NPIPB2: variants seen among roughly 807,000 people sequenced by gnomAD.
NPIPB2 encodes the protein nuclear pore complex-interacting protein family member B2.
In NPIPB2, 27 loss-of-function variants were observed where a neutral mutation model predicts 30.8. The ratio of observed to expected loss-of-function variants is 0.88; its 90% CI spans 0.65 to 1.21. The LOEUF is 1.21. Among genes scored for constraint, NPIPB2 ranks in the 50% most tolerant of loss-of-function variants. The probability of loss-of-function intolerance (pLI) is 0.00; values close to 1 mark genes in which losing one functional copy is unlikely to be tolerated. For synonymous variants in NPIPB2, 147 were observed against 162.0 expected, an observed-to-expected ratio of 0.91 and a Z score of 0.70; for missense variants, 440 against 446.2, an observed-to-expected ratio of 0.99 and a Z score of 0.13.
chr16:11,936,873 G>C (rs666642), intron 2 of NPIPB2, among the ~76,000 whole-genome samples: 39,991 of 141,632 alleles, frequency 0.28, 6,778 homozygotes, highest in East Asian at 0.61. Flanking sequence ...CAGTGCAGTT[G>C]TGCCCTTCAC....
At chr16:11,927,483 ATTC>A (rs1567461495) in exon 8 of NPIPB2, 1 of 1,238,618 alleles carries the variant, frequency 8.1e-7, no homozygotes, top group African/African-American at 2.7e-5. Flanking sequence ...TCGGGTGGTG[ATTC>A]CACCTCAGCG....
intron 1 of NPIPB2, among the ~76,000 whole-genome samples, chr16:11,952,173 A>AC (rs1422439628): frequency 6.8e-4 from 7 of 10,370 alleles, no homozygotes; most frequent in Middle Eastern, 0.024. Flanking sequence ...ACAAAAACAA[A>AC]ACAAAAAAAA....
At chr16:11,958,470 C>T (rs1265321733) in intron 1 of NPIPB2, among the ~76,000 whole-genome samples, 1 of 151,832 alleles carries the variant, frequency 6.6e-6, no homozygotes, top group Non-Finnish European at 1.5e-5. Flanking sequence ...TGGCTCATGC[C>T]TATAATCCTA....
intron 1 of NPIPB2, chr16:11,965,317 T>G: frequency 6.2e-7 from 1 of 1,614,150 alleles, no homozygotes; most frequent in Non-Finnish European, 8.5e-7. Flanking sequence ...TGTTTTCTTT[T>G]TGTGATCATG....
At chr16:11,938,858 C>A (rs2150915787) in intron 1 of NPIPB2, among the ~76,000 whole-genome samples, 1 of 151,950 alleles carries the variant, frequency 6.6e-6, no homozygotes, top group South Asian at 2.1e-4. Context: ...AAGCGATTCT[C>A]CTGCCTCAGC....
chr16:11,975,670 A>C (rs1037268583), intron 1 of NPIPB2, among the ~76,000 whole-genome samples: 1 of 151,148 alleles, frequency 6.6e-6, no homozygotes, highest in African/African-American at 2.4e-5. Context: ...GGCTCACTGA[A>C]ACCTCTGCCT....
intron 1 of NPIPB2, among the ~76,000 whole-genome samples, chr16:11,950,621 T>C (rs1300181623): frequency 6.6e-6 from 1 of 152,142 alleles, no homozygotes; most frequent in African/African-American, 2.4e-5. Context: ...CTTTGCACTC[T>C]GCCCACACAT....
chr16:11,942,146 A>G (rs557098633), upstream of NPIPB2: 95 of 1,529,740 alleles, frequency 6.2e-5, no homozygotes, highest in African/African-American at 1.1e-3. Context: ...ACGTACATTC[A>G]TTTTAAGCAT....
At chr16:11,933,979 T>G (rs2054829723) in intron 2 of NPIPB2, 55 bp from the exon 3 acceptor site, 3 of 1,408,582 alleles carry the variant, frequency 2.1e-6, no homozygotes, top group Admixed American at 1.7e-5. Flanking sequence ...ATGCGTATAA[T>G]CCCAGTACTT....
intron 1 of NPIPB2, chr16:11,967,735 C>T (rs762815421): frequency 7.4e-6 from 12 of 1,614,088 alleles, no homozygotes; most frequent in African/African-American, 6.7e-5. Context: ...CCACTCCCAG[C>T]TATGGAGGAA....
chr16:11,961,891 T>C (rs1428901472), intron 1 of NPIPB2, among the ~76,000 whole-genome samples: 1 of 151,710 alleles, frequency 6.6e-6, no homozygotes, highest in Non-Finnish European at 1.5e-5. Context: ...ACAGAGGCTC[T>C]ATTTGGAAAG....
chr16:11,932,471 G>T (rs2054802847), intron 4 of NPIPB2, among the ~76,000 whole-genome samples: 1 of 151,738 alleles, frequency 6.6e-6, no homozygotes, highest in African/African-American at 2.4e-5. Flanking sequence ...GTGAACCCCT[G>T]TCTCTACTAA....
At chr16:11,957,818 A>G (rs2055123578) in intron 1 of NPIPB2, among the ~76,000 whole-genome samples, 1 of 152,196 alleles carries the variant, frequency 6.6e-6, no homozygotes, top group Non-Finnish European at 1.5e-5. Flanking sequence ...GTGGATTTTC[A>G]GTCTGCTGGC....
chr16:11,959,304 A>T (rs1435821681), intron 1 of NPIPB2, among the ~76,000 whole-genome samples: 1 of 152,114 alleles, frequency 6.6e-6, no homozygotes, highest in African/African-American at 2.4e-5. Context: ...GCTCCTAGCC[A>T]GGCACAGTGG....
intron 1 of NPIPB2, among the ~76,000 whole-genome samples, chr16:11,958,371 T>C (rs1772165018): frequency 6.7e-6 from 1 of 149,872 alleles, no homozygotes; most frequent in Admixed American, 6.7e-5. Flanking sequence ...GAGGTTGCAG[T>C]GAGCCCAGAT....
intron 4 of NPIPB2, among the ~76,000 whole-genome samples, 174 bp downstream of exon 4, chr16:11,933,343 G>C (rs901143696): frequency 6.6e-6 from 1 of 151,590 alleles, no homozygotes; most frequent in Non-Finnish European, 1.5e-5. Context: ...CAAGAATGTA[G>C]GAAGGGAAAG....
chr16:11,953,514 T>C (rs572425187), intron 1 of NPIPB2, among the ~76,000 whole-genome samples: 6 of 151,452 alleles, frequency 4.0e-5, no homozygotes, highest in African/African-American at 1.5e-4. Flanking sequence ...CCATGCCTGG[T>C]TAACTTTTTG....
upstream of NPIPB2, among the ~76,000 whole-genome samples, chr16:11,945,548 C>A (rs971085690): frequency 6.6e-6 from 1 of 151,860 alleles, no homozygotes; most frequent in African/African-American, 2.4e-5. Context: ...TGTGGTGGTA[C>A]GTCCCTGTAG....
intron 1 of NPIPB2, among the ~76,000 whole-genome samples, chr16:11,963,508 A>G (rs958492602): frequency 6.6e-5 from 10 of 152,180 alleles, no homozygotes; most frequent in African/African-American, 1.9e-4. Flanking sequence ...AATAAGAAAA[A>G]TACAACAAAA....
Sources: gnomAD v4.1 joint callset for allele counts (sites outside exome capture counted in the v4.1 genomes callset) on GRCh38, gnomAD v4.1.1 for gene constraint, MANE v1.5 for transcripts, NCBI Gene and HGNC (gene_info 2026-07-23, HGNC 2026-07-21) for gene names.